NEK5: variants seen among roughly 807,000 people sequenced by gnomAD.
NEK5 encodes the protein NIMA related kinase 5, also known as serine/threonine-protein kinase Nek5.
Under a neutral mutation model 109.2 loss-of-function variants are expected in NEK5, and 88 were observed. The observed-to-expected ratio is 0.81, with a 90% CI of 0.68 to 0.96. NEK5 has a LOEUF of 0.96. NEK5 is among the 40% of genes least tolerant of loss of function. NEK5 has a pLI of 0.00. For missense variants in NEK5, 834 were observed against 920.7 expected, an observed-to-expected ratio of 0.91 and a Z score of 1.22; for synonymous variants, 283 against 299.9, an observed-to-expected ratio of 0.94 and a Z score of 0.58.
chr13:52,057,113 GA>G (rs1430133026), intron 22 of NEK5, among the ~76,000 whole-genome samples: 8 of 151,868 alleles, frequency 5.3e-5, no homozygotes, highest in Non-Finnish European at 3.0e-5. Context: ...TGATAAAGGG[GA>G]TATCACCACC....
chr13:52,068,678 T>C (rs1053269233), intron 20 of NEK5, among the ~76,000 whole-genome samples: 5 of 152,042 alleles, frequency 3.3e-5, no homozygotes, highest in African/African-American at 4.8e-5. Flanking sequence ...AACAGAAATA[T>C]GAAGGGTTGG....
At chr13:52,066,884 A>T (rs78864004) in intron 20 of NEK5, among the ~76,000 whole-genome samples, 3 of 151,934 alleles carry the variant, frequency 2.0e-5, no homozygotes, top group Non-Finnish European at 4.4e-5. Context: ...TTTTTAAAAA[A>T]TTTATTTTGT....
intron 22 of NEK5, among the ~76,000 whole-genome samples, chr13:52,050,630 G>GTT (rs902921052): frequency 8.2e-6 from 1 of 121,810 alleles, no homozygotes; most frequent in African/African-American, 3.0e-5. Flanking sequence ...TTTTTTTGCA[G>GTT]TTTTTTTTTT....
intron 13 of NEK5, among the ~76,000 whole-genome samples, chr13:52,089,589 C>T (rs1382872113): frequency 2.6e-5 from 4 of 152,178 alleles, no homozygotes; most frequent in African/African-American, 9.7e-5. Flanking sequence ...GGACAAGATT[C>T]AGTCCTTCCA....
chr13:52,095,373 T>C (rs971357571), intron 12 of NEK5, among the ~76,000 whole-genome samples: 1 of 152,188 alleles, frequency 6.6e-6, no homozygotes, highest in African/African-American at 2.4e-5. Context: ...GCAATAAACA[T>C]TTTCTTTAAA....
intron 4 of NEK5, among the ~76,000 whole-genome samples, chr13:52,116,686 A>G (rs990565536): frequency 1.3e-5 from 2 of 152,200 alleles, no homozygotes; most frequent in Non-Finnish European, 2.9e-5. Context: ...TTAAGCCACT[A>G]AATTTGTGTT....
rs1262407797 is a variant in NEK5 at position 52,089,290 on chromosome 13, T to C, written c.1232A>G (p.Lys411Arg). The change falls in exon 14 of 24, where the codon AAA becomes AGA. Residue 411 changes from lysine (K) to arginine (R), a missense_variant. By Grantham distance (26) the Lys-to-Arg change is conservative. Transcript: ENST00000684899. ...CAACTTATATTGTTGAGCTTCAAATTTTCTCTGAAGGTACTCAGCAGGCCT... is the reference window on the plus strand; with the variant it reads ...CAACTTATATTGTTGAGCTTCAAATCTTCTCTGAAGGTACTCAGCAGGCCT... Reference protein sequence around the residue: ...SQWPAEYLQRKFEAQQYKLKV... With the variant: ...SQWPAEYLQRRFEAQQYKLKV... 3 of 1,609,756 alleles carry C rather than the reference T, an allele frequency of 1.9e-6. No individual in the cohort carries two copies. Among genetic ancestry groups the C allele is most frequent in the Non-Finnish European group, 1.7e-6 (2 of 1,176,404 alleles).
intron 17 of NEK5, chr13:52,082,314 TAA>T: frequency 1.8e-5 from 16 of 909,098 alleles, no homozygotes; most frequent in African/African-American, 3.6e-5. Flanking sequence ...AAATTCCATC[TAA>T]AAAAAAAAGA....
At chr13:52,079,332 G>T (rs1394468148) in intron 17 of NEK5, among the ~76,000 whole-genome samples, 1 of 86,612 alleles carries the variant, frequency 1.2e-5, no homozygotes, top group Non-Finnish European at 2.1e-5. Context: ...TCTTTCCACG[G>T]TCTCCCTCTG....
Position 52,034,145 on chromosome 13 carries a change from T to G in NEK5, c.*2803A>C, listed in dbSNP as rs1160903210. ...TACAGAATGATCAATTTGATAGCTA[T>G]CATACATGGCTAGCAAGACACTGAT... On this transcript the variant is annotated 3_prime_UTR_variant, in exon 24 of 24. Transcript: ENST00000684899. 3 of 151,856 alleles carry G rather than the reference T, an allele frequency of 2.0e-5. No homozygotes were observed. Among genetic ancestry groups the G allele is most frequent in the Non-Finnish European group, 4.4e-5 (3 of 68,040 alleles). The allele number at this position is 151,856 out of a possible 1,614,324, so 9.4% of individuals were successfully genotyped here. A position where few individuals can be genotyped will look rare whatever the true frequency, so the allele number is the denominator to read the frequency against.
chr13:52,061,398 G>A (rs1449980281), intron 22 of NEK5, among the ~76,000 whole-genome samples: 3 of 152,094 alleles, frequency 2.0e-5, no homozygotes, highest in Non-Finnish European at 4.4e-5. Flanking sequence ...CTGCCTTAAA[G>A]TAAACAAAAG....
intron 12 of NEK5, among the ~76,000 whole-genome samples, chr13:52,098,824 T>C (rs1390567604): frequency 6.6e-6 from 1 of 152,204 alleles, no homozygotes; most frequent in Non-Finnish European, 1.5e-5. Context: ...CTAGAAGTTG[T>C]CCAACAAAAT....
intron 8 of NEK5, among the ~76,000 whole-genome samples, chr13:52,106,766 CA>C (rs879640846): frequency 1.8e-3 from 248 of 134,430 alleles, no homozygotes; most frequent in Middle Eastern, 0.012. Context: ...GACTCCATCT[CA>C]AAAAAAAAAA....
chr13:52,075,694 C>T, intron 19 of NEK5, 64 bp downstream of exon 19: 2 of 956,614 alleles, frequency 2.1e-6, no homozygotes, highest in Non-Finnish European at 3.2e-6. Context: ...TTTCATGAAA[C>T]ATGCTATTAA....
chr13:52,077,273 A>G (rs534324002), intron 17 of NEK5, among the ~76,000 whole-genome samples: 2 of 152,364 alleles, frequency 1.3e-5, no homozygotes, highest in South Asian at 2.1e-4. Context: ...AAGACAGAGT[A>G]TCAGAAACCA....
intron 22 of NEK5, among the ~76,000 whole-genome samples, chr13:52,055,994 C>CA (rs1381523766): frequency 1.3e-5 from 2 of 152,018 alleles, no homozygotes; most frequent in Non-Finnish European, 2.9e-5. Context: ...TTAAAAGACA[C>CA]AGACTGGCAA....
chr13:52,041,874 C>A (rs1954417970), intron 23 of NEK5, among the ~76,000 whole-genome samples: 1 of 149,932 alleles, frequency 6.7e-6, no homozygotes, highest in South Asian at 2.1e-4. Context: ...AAAATGGATG[C>A]AATAAGAAAA....
At chr13:52,049,912 G>A (rs1323339571) in intron 23 of NEK5, among the ~76,000 whole-genome samples, 192 bp downstream of exon 23, 1 of 152,208 alleles carries the variant, frequency 6.6e-6, no homozygotes, top group Non-Finnish European at 1.5e-5. Context: ...TGGAAGTTAA[G>A]ACAGAGTATC....
intron 7 of NEK5, among the ~76,000 whole-genome samples, chr13:52,109,229 T>C (rs1335938844): frequency 6.6e-6 from 1 of 152,162 alleles, no homozygotes; most frequent in Non-Finnish European, 1.5e-5. Flanking sequence ...AAAGTTAACC[T>C]GAAAAACTAG....
Sources: allele counts gnomAD v4.1 joint callset (sites outside exome capture counted in the v4.1 genomes callset), GRCh38; gene constraint gnomAD v4.1.1; transcripts MANE v1.5; gene names NCBI Gene and HGNC (gene_info 2026-07-23, HGNC 2026-07-21).